COG7: variants seen among roughly 807,000 people sequenced by gnomAD.
The protein encoded by COG7 is conserved oligomeric Golgi complex subunit 7.
COG7 carries 49 observed loss-of-function variants against 91.5 expected under a neutral mutation model. That is an observed-to-expected ratio of 0.54 (90% CI 0.43 to 0.68). The LOEUF (loss-of-function observed/expected upper bound fraction) is 0.68. Ranked by LOEUF, COG7 falls within the 30% of genes least tolerant of loss-of-function variation. COG7 has a pLI of 0.00. For synonymous variants in COG7, 365 were observed against 388.7 expected (o/e 0.94, Z 0.72); for missense variants, 895 against 961.3 (o/e 0.93, Z 0.91).
intron 1 of COG7, among the ~76,000 whole-genome samples, chr16:23,451,386 T>C (rs1396313362): frequency 6.6e-6 from 1 of 152,060 alleles, no homozygotes; most frequent in Non-Finnish European, 1.5e-5. Context: ...TGGTTGCCAG[T>C]GCATGTTATT....
rs1242321910 is a variant in COG7 at position 23,398,035 on chromosome 16, G to A, written c.1887+11C>T. On this transcript the variant is annotated intron_variant, in intron 14 of 16. Coordinates refer to ENST00000307149, the MANE Select transcript of COG7 (RefSeq NM_153603.4). The stretch of plus-strand genomic sequence containing the variant: ...TTGGACCACCCTGGAGAAGCACACA[G>A]AAGCTCTTACGTTGCTGATGTACTC... 3 of 1,612,064 alleles carry A rather than the reference G, an allele frequency of 1.9e-6. No individual in the cohort carries two copies. The African/African-American group carries it at 4.0e-5, about 21-fold the overall frequency.
rs575401567 is a variant in COG7 at position 23,390,588 on chromosome 16, T to C, written c.2147-1502A>G. ...CTCCAGGCAAGGCCTCAACTTTCCTTGTGTTTTTTGTTTTGTTTTGTTTTT... is the reference window on the plus strand; with the variant it reads ...CTCCAGGCAAGGCCTCAACTTTCCTCGTGTTTTTTGTTTTGTTTTGTTTTT... On this transcript the variant is annotated intron_variant, in intron 16 of 16. Transcript: ENST00000307149. Among the ~76,000 whole-genome samples the C allele has an allele frequency of 2.0e-5, 3 of 152,164 alleles. No individual in the cohort carries two copies. The South Asian group carries it at 6.2e-4, about 32-fold the overall frequency.
intron 4 of COG7, 78 bp downstream of exon 4, chr16:23,442,399 A>T: frequency 7.6e-7 from 1 of 1,322,724 alleles, no homozygotes; most frequent in Non-Finnish European, 1.1e-6. Context: ...CCATTAAGAC[A>T]TTCTAAAAAC....
chr16:23,388,772 T>C lies in COG7; in HGVS notation c.*148A>G. On this transcript the variant is annotated 3_prime_UTR_variant, in exon 17 of 17. Transcript: ENST00000307149. The stretch of plus-strand genomic sequence containing the variant: ...GGCTTGGCCTCCCAAAGTGCTGGGA[T>C]TACAGGCGTGAGCCACCGTGACCAG... 7.0e-7 allele frequency: 1 copy of C among 1,422,296 alleles called. No homozygotes were observed. The highest frequency in any genetic ancestry group is 1.4e-5 in the South Asian group (1 of 72,852). The allele number at this position is 1,422,296 out of a possible 1,614,324, so 88.1% of individuals were successfully genotyped here. A position where few individuals can be genotyped will look rare whatever the true frequency, so the allele number is the denominator to read the frequency against.
chr16:23,391,003 G>A (rs1001711267), intron 16 of COG7, among the ~76,000 whole-genome samples: 7 of 152,242 alleles, frequency 4.6e-5, no homozygotes, highest in Non-Finnish European at 8.8e-5. Context: ...TAATTTGAAT[G>A]TCTTTCAGGT....
intron 13 of COG7, 77 bp downstream of exon 13, chr16:23,403,617 G>A: frequency 1.3e-6 from 2 of 1,567,906 alleles, no homozygotes; most frequent in Non-Finnish European, 1.8e-6. Flanking sequence ...GGAACAGGGA[G>A]GGTTAAGCCC....
At chr16:23,403,543 G>A in intron 13 of COG7, 151 bp downstream of exon 13, 2 of 875,076 alleles carry the variant, frequency 2.3e-6, no homozygotes, top group Non-Finnish European at 1.9e-6. Context: ...AAGCAATGAG[G>A]TGAAATTGGA....
intron 11 of COG7, 27 bp from the exon 12 acceptor site, chr16:23,406,289 C>T (rs1963460753): frequency 2.5e-6 from 4 of 1,591,912 alleles, no homozygotes; most frequent in East Asian, 4.5e-5. Context: ...GACCATTATG[C>T]CCTGAGCTAT....
At chr16:23,394,382 A>G (rs1276962536) in intron 14 of COG7, among the ~76,000 whole-genome samples, 2 of 152,008 alleles carry the variant, frequency 1.3e-5, no homozygotes, top group Non-Finnish European at 2.9e-5. Flanking sequence ...ACTGTTTCCT[A>G]TTTCTATTGT....
intron 7 of COG7, among the ~76,000 whole-genome samples, chr16:23,424,375 C>T (rs1963810154): frequency 6.6e-6 from 1 of 150,730 alleles, no homozygotes; most frequent in Non-Finnish European, 1.5e-5. Context: ...ATGTCTGAGG[C>T]TTCGTGATGA....
intron 11 of COG7, 139 bp from the exon 12 acceptor site, chr16:23,406,401 C>T (rs1044896643): frequency 2.6e-5 from 20 of 769,850 alleles, no homozygotes; most frequent in Non-Finnish European, 3.1e-5. Flanking sequence ...TATAAGGCAA[C>T]GAAAGGCTGC....
intron 7 of COG7, among the ~76,000 whole-genome samples, chr16:23,421,174 C>T (rs1963750239): frequency 6.6e-6 from 1 of 151,242 alleles, no homozygotes; most frequent in African/African-American, 2.4e-5. Context: ...ATTGCATAAT[C>T]TTTTATATTT....
chr16:23,411,613 A>G (rs958299904), intron 10 of COG7, among the ~76,000 whole-genome samples: 2 of 152,218 alleles, frequency 1.3e-5, no homozygotes, highest in Non-Finnish European at 2.9e-5. Flanking sequence ...CCCATAGAAC[A>G]TTAAATTTCA....
At chr16:23,445,290 C>A (rs1964163686) in intron 2 of COG7, 126 bp from the exon 3 acceptor site, 2 of 778,524 alleles carry the variant, frequency 2.6e-6, no homozygotes, top group South Asian at 1.4e-5. Context: ...TCCCAAAACA[C>A]CAATCATCTG....
intron 1 of COG7, among the ~76,000 whole-genome samples, chr16:23,450,737 C>A (rs1405522481): frequency 6.6e-6 from 1 of 151,878 alleles, no homozygotes; most frequent in Admixed American, 6.6e-5. Context: ...GAGGCTGGGG[C>A]AGGAGAATTC....
chr16:23,413,598 C>A (rs765495709), intron 9 of COG7, 34 bp from the exon 10 acceptor site: 3 of 1,109,762 alleles, frequency 2.7e-6, no homozygotes, highest in South Asian at 1.2e-5. Flanking sequence ...GTAGGGAGGT[C>A]ACCACTGATT....
intron 1 of COG7, among the ~76,000 whole-genome samples, chr16:23,448,185 G>C (rs1964212240): frequency 6.6e-6 from 1 of 151,938 alleles, no homozygotes; most frequent in South Asian, 2.1e-4. Context: ...AACCTATGAA[G>C]GCTACCTACT....
intron 8 of COG7, among the ~76,000 whole-genome samples, chr16:23,417,918 T>C (rs1217259027): frequency 1.3e-5 from 2 of 152,202 alleles, no homozygotes; most frequent in East Asian, 1.9e-4. Flanking sequence ...TTTGAACTAC[T>C]ATAAGATCAA....
intron 14 of COG7, among the ~76,000 whole-genome samples, chr16:23,397,837 G>C (rs1041853483): frequency 2.0e-5 from 3 of 152,196 alleles, no homozygotes; most frequent in Non-Finnish European, 2.9e-5. Context: ...GATGGTGAAG[G>C]AGTGAGAATG....
Sources: gnomAD v4.1 joint callset for allele counts (sites outside exome capture counted in the v4.1 genomes callset) on GRCh38, gnomAD v4.1.1 for gene constraint, MANE v1.5 for transcripts, NCBI Gene and HGNC (gene_info 2026-07-23, HGNC 2026-07-21) for gene names.